ZNF674: variants seen among roughly 807,000 people sequenced by gnomAD.
The protein encoded by ZNF674 is zinc finger family member 674.
A neutral mutation model predicts 7.0 loss-of-function variants in ZNF674; 2 were observed. The observed-to-expected ratio is 0.29, with a 90% CI of 0.12 to 0.90. The LOEUF (loss-of-function observed/expected upper bound fraction) is 0.90. Ranked by LOEUF, ZNF674 falls within the 40% of genes least tolerant of loss-of-function variation. ZNF674 has a pLI of 0.57. For missense variants in ZNF674, 297 were observed against 415.5 expected, an observed-to-expected ratio of 0.71 and a Z score of 2.48; for synonymous variants, 103 against 145.2, an observed-to-expected ratio of 0.71 and a Z score of 2.09.
intron 3 of ZNF674, among the ~76,000 whole-genome samples, chrX:46,539,967 G>A (rs796575006): frequency 9.8e-5 from 11 of 112,258 alleles, no homozygotes; most frequent in African/African-American, 3.6e-4. Context: ...CATCCTGGCC[G>A]GGTGCGGGGG....
intron 5 of ZNF674, among the ~76,000 whole-genome samples, chrX:46,517,516 A>AAAG (rs961622412): frequency 1.8e-5 from 2 of 111,711 alleles, no homozygotes; most frequent in Non-Finnish European, 3.8e-5. Context: ...TATAAACTCA[A>AAAG]AAGAAACACC....
chrX:46,542,051 G>A (rs1360285735), intron 3 of ZNF674, 22 bp downstream of exon 3: 1 of 1,198,752 alleles, frequency 8.3e-7, no homozygotes, highest in Admixed American at 2.2e-5. Flanking sequence ...TGGAAAAAAA[G>A]TAGGGGTACA....
At chrX:46,534,448 C>T (rs1191752998) in intron 3 of ZNF674, among the ~76,000 whole-genome samples, 6 of 111,117 alleles carry the variant, frequency 5.4e-5, no homozygotes, top group African/African-American at 6.6e-5. Context: ...CTCAAGCGAT[C>T]CTCCTGAACT....
In ZNF674 at chrX:46,544,508, T is replaced by G. The variant is rs1009047604; in HGVS notation, c.-37A>C. 8.0e-5 allele frequency: 9 copies of G among 112,195 alleles called. No homozygotes were observed. Among genetic ancestry groups the G allele is most frequent in the African/African-American group, 2.9e-4 (9 of 30,867 alleles). 9.2% of individuals were successfully genotyped at this position (112,195 alleles called of 1,213,427 possible). ...GTGACCCAGGGAACTCACCTCTTCC[T>G]GGGGCCTCAGCCTAAGTCTTCTGCG... On this transcript the variant is annotated 5_prime_UTR_variant, in exon 2 of 6. Transcript: ENST00000683375.
At chrX:46,516,853 C>T (rs1211386288) in intron 5 of ZNF674, among the ~76,000 whole-genome samples, 2 of 110,867 alleles carry the variant, frequency 1.8e-5, no homozygotes, top group East Asian at 2.8e-4. Context: ...AAAAATTAGC[C>T]GGGCATGGTG....
intron 3 of ZNF674, 125 bp from the exon 4 acceptor site, chrX:46,529,034 G>T: frequency 8.8e-7 from 1 of 1,133,619 alleles, no homozygotes; most frequent in South Asian, 2.0e-5. Flanking sequence ...AAAGATTTCA[G>T]TCTTCGCCGC....
rs1403902728 is a variant in ZNF674, at chrX:46,499,211, G to A, written c.*632C>T. ...AAGGTCTGGCTATAATGCCCAGGCT[G>A]GAGTGCAGTGGCACGATCTCAGTTC... On this transcript the variant is annotated 3_prime_UTR_variant, in exon 6 of 6. Coordinates refer to ENST00000683375, the MANE Select transcript of ZNF674 (RefSeq NM_001190417.2). 1 of 111,774 alleles carries A rather than the reference G, an allele frequency of 8.9e-6. No individual in the cohort carries two copies. Among genetic ancestry groups the A allele is most frequent in the Non-Finnish European group, 1.9e-5 (1 of 53,209 alleles). The allele number at this position is 111,774 out of a possible 1,213,427, so 9.2% of individuals were successfully genotyped here.
intron 3 of ZNF674, among the ~76,000 whole-genome samples, chrX:46,530,070 C>T (rs1220352188): frequency 9.1e-6 from 1 of 110,409 alleles, no homozygotes; most frequent in Non-Finnish European, 1.9e-5. Context: ...TCTACAAGTG[C>T]CCCCAATTCC....
intron 3 of ZNF674, 91 bp downstream of exon 3, chrX:46,541,982 G>A (rs950954501): frequency 1.3e-6 from 1 of 772,085 alleles, no homozygotes. Context: ...CCAGAGAAGA[G>A]GGGATAATTG....
intron 3 of ZNF674, among the ~76,000 whole-genome samples, chrX:46,531,564 GC>G (rs1942108704): frequency 9.0e-6 from 1 of 111,447 alleles, no homozygotes; most frequent in African/African-American, 3.3e-5. Flanking sequence ...TGGGTAAACA[GC>G]CTGGGGCCTG....
intron 5 of ZNF674, among the ~76,000 whole-genome samples, chrX:46,503,874 A>C (rs1363274053): frequency 9.0e-6 from 1 of 110,908 alleles, no homozygotes; most frequent in Non-Finnish European, 1.9e-5. Flanking sequence ...CCGTCTCCAC[A>C]AAAAAATACA....
At position 46,542,080 on chromosome X, in the gene ZNF674, A is replaced by G. The variant is rs1942304014; in HGVS notation, c.8T>C (p.Met3Thr). The G allele has an allele frequency of 1.7e-6, 2 of 1,205,195 alleles. No homozygotes were observed. The highest frequency in any genetic ancestry group is 1.1e-6 in the Non-Finnish European group (1 of 890,316). ...GGGTACATTAGAACTCACCTGGGAC[A>G]TGGCCATCTTGTTGTGCTCCTGCAA... MA[M>T]SQESLTFKDV... Residue 3 changes from methionine (M) to threonine (T), a missense_variant, in exon 3 of 6, where the codon ATG becomes ACG. By Grantham distance (81) the Met-to-Thr change is moderately conservative. Coordinates refer to ENST00000683375, the MANE Select transcript of ZNF674 (RefSeq NM_001190417.2).
At chrX:46,515,700 C>T (rs1003534358) in intron 5 of ZNF674, among the ~76,000 whole-genome samples, 2 of 111,513 alleles carry the variant, frequency 1.8e-5, no homozygotes, top group Non-Finnish European at 1.9e-5. Flanking sequence ...CCTCAAACTC[C>T]TAGGCTCAAG....
chrX:46,526,269 C>A (rs1380890720), intron 5 of ZNF674, among the ~76,000 whole-genome samples: 2 of 111,686 alleles, frequency 1.8e-5, no homozygotes, highest in Non-Finnish European at 3.8e-5. Flanking sequence ...TAGACAGACA[C>A]ATCTCTGTTC....
chrX:46,500,256 T>C lies in ZNF674; in HGVS notation c.1318A>G (p.Arg440Gly), dbSNP rs1941390589. ...HTGEKPYECR[R>G]CGKAFGEKST... ...TTCTCCCCAAAGGCTTTCCCACATC[T>C]TCTGCATTCATAAGGTTTCTCTCCT... is the stretch of plus-strand genomic sequence containing the variant. The change falls in exon 6 of 6, where the codon AGA (arginine) becomes GGA (glycine). Residue 440 changes from arginine (R) to glycine (G), a missense_variant. By Grantham distance (125) the Arg-to-Gly change is moderately radical (BLOSUM62 -2). Transcript: ENST00000683375. The C allele has an allele frequency of 2.5e-6, 3 of 1,208,837 alleles. No homozygotes were observed. In the South Asian group the frequency reaches 5.3e-5, roughly 21 times the overall value.
At chrX:46,533,354 C>T (rs910851093) in intron 3 of ZNF674, among the ~76,000 whole-genome samples, 1 of 111,116 alleles carries the variant, frequency 9.0e-6, no homozygotes, top group Non-Finnish European at 1.9e-5. Flanking sequence ...AACTCCATCT[C>T]CCATGTGGCA....
chrX:46,520,388 G>C (rs1941886178), intron 5 of ZNF674, among the ~76,000 whole-genome samples: 1 of 110,964 alleles, frequency 9.0e-6, no homozygotes, highest in Non-Finnish European at 1.9e-5. Context: ...CACAGAGCGA[G>C]AATCCATCTC....
intron 5 of ZNF674, among the ~76,000 whole-genome samples, chrX:46,522,486 G>A (rs554526586): frequency 9.0e-5 from 10 of 110,797 alleles, no homozygotes; most frequent in South Asian, 7.7e-4. Flanking sequence ...GTGACATAAC[G>A]AGACCCCATC....
At chrX:46,529,802 G>A (rs770372754) in intron 3 of ZNF674, 1 of 111,754 alleles carries the variant, frequency 8.9e-6, no homozygotes, top group East Asian at 2.8e-4. Flanking sequence ...AGTGACAGAT[G>A]TAGGACGGGG....
Sources: allele counts gnomAD v4.1 joint callset (sites outside exome capture counted in the v4.1 genomes callset), GRCh38; gene constraint gnomAD v4.1.1; transcripts MANE v1.5; gene names NCBI Gene and HGNC (gene_info 2026-07-23, HGNC 2026-07-21).